MB21D2: variants seen among roughly 807,000 people sequenced by gnomAD.
MB21D2 encodes nucleotidyltransferase MB21D2.
MB21D2 carries 9 observed loss-of-function variants against 33.3 expected under a neutral mutation model. The ratio of observed to expected loss-of-function variants is 0.27; its 90% confidence interval spans 0.16 to 0.47. The LOEUF is 0.47. Among genes scored for constraint, MB21D2 ranks in the 20% least tolerant of loss-of-function variants. The pLI, the probability that MB21D2 is intolerant of heterozygous loss-of-function variation, is 0.99. For synonymous variants in MB21D2, 241 were observed against 236.3 expected (o/e 1.02, Z -0.18); for missense variants, 540 against 624.6 (o/e 0.86, Z 1.44).
intron 1 of MB21D2, among the ~76,000 whole-genome samples, chr3:192,841,816 A>T (rs1712578469): frequency 6.6e-6 from 1 of 152,268 alleles, no homozygotes; most frequent in South Asian, 2.1e-4. Context: ...TGGAAGAGCA[A>T]GAAATCCCTA....
At chr3:192,917,543 A>G in intron 1 of MB21D2, 87 bp downstream of exon 1, 1 of 1,411,828 alleles carries the variant, frequency 7.1e-7, no homozygotes, top group Non-Finnish European at 9.9e-7. Context: ...CCAGAAGGGA[A>G]GAGGTCGAGA....
chr3:192,852,497 C>A (rs1038434796), intron 1 of MB21D2, among the ~76,000 whole-genome samples: 1 of 152,086 alleles, frequency 6.6e-6, no homozygotes, highest in Non-Finnish European at 1.5e-5. Flanking sequence ...CATTTTGTAG[C>A]AGGACATTTT....
chr3:192,876,138 A>G (rs1007056009), intron 1 of MB21D2, among the ~76,000 whole-genome samples: 1 of 152,186 alleles, frequency 6.6e-6, no homozygotes, highest in African/African-American at 2.4e-5. Flanking sequence ...GCAATGGTAG[A>G]AAGTCAGTAA....
At chr3:192,866,595 T>C (rs1244494216) in intron 1 of MB21D2, among the ~76,000 whole-genome samples, 1 of 152,224 alleles carries the variant, frequency 6.6e-6, no homozygotes, top group Non-Finnish European at 1.5e-5. Flanking sequence ...CACGTACACA[T>C]CCACATTTAA....
chr3:192,898,673 A>G (rs1714028915), intron 1 of MB21D2, among the ~76,000 whole-genome samples: 1 of 152,268 alleles, frequency 6.6e-6, no homozygotes, highest in Non-Finnish European at 1.5e-5. Context: ...AGACAGAAAC[A>G]GATACACAAA....
Position 192,799,684 on chromosome 3 carries a change from C to T in MB21D2, c.212-34G>A, listed in dbSNP as rs1577165011. On this transcript the variant is annotated intron_variant, in intron 1 of 1. Coordinates refer to ENST00000392452, the MANE Select transcript of MB21D2 (RefSeq NM_178496.4). The surrounding 1 kb of genome is among the most constrained non-coding windows in gnomAD (Gnocchi z 4.1). ...AAAGAAGAAAAAAACAACACTATTACAGGAAACACAGACATAAGAGTCTTA... is the reference window on the plus strand; with the variant it reads ...AAAGAAGAAAAAAACAACACTATTATAGGAAACACAGACATAAGAGTCTTA... 1 of 1,581,104 alleles carries T rather than the reference C, an allele frequency of 6.3e-7. No homozygotes were observed. Among genetic ancestry groups the T allele is most frequent in the Non-Finnish European group, 8.6e-7 (1 of 1,166,014 alleles).
intron 1 of MB21D2, among the ~76,000 whole-genome samples, chr3:192,881,096 C>T (rs1326730786): frequency 6.6e-6 from 1 of 152,062 alleles, no homozygotes; most frequent in Non-Finnish European, 1.5e-5. Context: ...GCTATGATTT[C>T]AGAAAGATTT....
intron 1 of MB21D2, among the ~76,000 whole-genome samples, chr3:192,900,143 G>A (rs1221334410): frequency 6.6e-6 from 1 of 151,960 alleles, no homozygotes; most frequent in African/African-American, 2.4e-5. Context: ...AATTAGCCAG[G>A]CGTCGTGGCG....
chr3:192,858,234 G>T (rs1712962542), intron 1 of MB21D2, among the ~76,000 whole-genome samples: 1 of 152,062 alleles, frequency 6.6e-6, no homozygotes. Context: ...GAGACACATG[G>T]GACCTGAGGC....
At chr3:192,844,293 T>C (rs1007055629) in intron 1 of MB21D2, among the ~76,000 whole-genome samples, 1 of 152,146 alleles carries the variant, frequency 6.6e-6, no homozygotes, top group African/African-American at 2.4e-5. Flanking sequence ...AGGCAAGGAG[T>C]GTAGACAGCT....
intron 1 of MB21D2, among the ~76,000 whole-genome samples, chr3:192,806,041 C>T (rs1424350797): frequency 6.6e-6 from 1 of 152,260 alleles, no homozygotes; most frequent in Non-Finnish European, 1.5e-5. Flanking sequence ...CTAGTCAAGG[C>T]TGCTTCCTCT....
chr3:192,842,136 G>C (rs914546218), intron 1 of MB21D2, among the ~76,000 whole-genome samples: 19 of 151,950 alleles, frequency 1.3e-4, no homozygotes, highest in African/African-American at 3.2e-4. Context: ...GAGGCAGAGA[G>C]GTCAACCAGG....
intron 1 of MB21D2, among the ~76,000 whole-genome samples, chr3:192,861,210 G>C (rs1713033498): frequency 6.6e-6 from 1 of 152,152 alleles, no homozygotes; most frequent in African/African-American, 2.4e-5. Context: ...TCTGACCTCT[G>C]GGCTCGGTTC....
chr3:192,825,807 T>C (rs1712163200), intron 1 of MB21D2, among the ~76,000 whole-genome samples: 1 of 152,228 alleles, frequency 6.6e-6, no homozygotes, highest in South Asian at 2.1e-4. Context: ...AATTTATCAA[T>C]GTCAACTGTT....
chr3:192,871,636 C>G (rs1343259343), intron 1 of MB21D2, among the ~76,000 whole-genome samples: 9 of 151,972 alleles, frequency 5.9e-5, no homozygotes, highest in Non-Finnish European at 1.2e-4. Context: ...GGTCTGAAGC[C>G]AAGAGTGGTC....
At chr3:192,816,665 G>A (rs1711932806) in intron 1 of MB21D2, among the ~76,000 whole-genome samples, 1 of 152,192 alleles carries the variant, frequency 6.6e-6, no homozygotes, top group South Asian at 2.1e-4. Context: ...ACGATGGGAT[G>A]TCACATCGTC....
chr3:192,908,464 T>G (rs1171865288), intron 1 of MB21D2, among the ~76,000 whole-genome samples: 1 of 151,002 alleles, frequency 6.6e-6, no homozygotes, highest in East Asian at 2.0e-4. Flanking sequence ...AGTGACGCGA[T>G]CTAGGCTCAC....
chr3:192,801,097 A>G (rs1290242973), intron 1 of MB21D2, among the ~76,000 whole-genome samples: 1 of 152,230 alleles, frequency 6.6e-6, no homozygotes, highest in African/African-American at 2.4e-5. Context: ...CAGTAGGAAC[A>G]TAATTCAAGC....
intron 1 of MB21D2, among the ~76,000 whole-genome samples, chr3:192,836,377 T>C (rs937308485): frequency 5.9e-5 from 9 of 152,216 alleles, no homozygotes; most frequent in African/African-American, 1.9e-4. Context: ...GGCTAAGTTG[T>C]GGACTCACAA....
Sources: gnomAD v4.1 joint callset for allele counts (sites outside exome capture counted in the v4.1 genomes callset) on GRCh38, gnomAD v4.1.1 for gene constraint, Gnocchi (gnomAD v3.1) non-coding constraint, MANE v1.5 for transcripts, NCBI Gene and HGNC (gene_info 2026-07-23, HGNC 2026-07-21) for gene names.